PTPN13: variants seen among roughly 807,000 people sequenced by gnomAD.
PTPN13 encodes tyrosine-protein phosphatase non-receptor type 13.
Under a neutral mutation model 284.0 loss-of-function variants are expected in PTPN13, and 191 were observed. The observed-to-expected ratio is 0.67, with a 90% CI of 0.60 to 0.76. The LOEUF (loss-of-function observed/expected upper bound fraction) is 0.76, where lower values mean the gene tolerates loss of function less well. PTPN13 is among the 30% of genes least tolerant of loss of function. The pLI is 0.00. For missense variants in PTPN13, 2,797 were observed against 2,939.9 expected (o/e 0.95, Z 1.12); for synonymous variants, 986 against 1,022.3 (o/e 0.96, Z 0.68).
intron 20 of PTPN13, among the ~76,000 whole-genome samples, chr4:86,757,946 C>T (rs1326290181): frequency 2.0e-5 from 3 of 152,046 alleles, no homozygotes; most frequent in South Asian, 4.1e-4. Flanking sequence ...TTGAAAAGTT[C>T]GGCTCTTTCC....
intron 15 of PTPN13, among the ~76,000 whole-genome samples, chr4:86,736,997 T>A (rs944095948): frequency 1.3e-5 from 2 of 152,230 alleles, no homozygotes; most frequent in Non-Finnish European, 2.9e-5. Context: ...TGAAATATCT[T>A]TCGTAAATCT....
At chr4:86,647,635 G>T (rs1724593269) in intron 2 of PTPN13, among the ~76,000 whole-genome samples, 1 of 152,064 alleles carries the variant, frequency 6.6e-6, no homozygotes, top group South Asian at 2.1e-4. Flanking sequence ...CATTCATGAA[G>T]TCCTAACCCC....
chr4:86,728,253 A>G (rs925202469), intron 10 of PTPN13, among the ~76,000 whole-genome samples: 2 of 149,420 alleles, frequency 1.3e-5, no homozygotes, highest in African/African-American at 4.9e-5. Flanking sequence ...TCAATTTTAG[A>G]ATAAGTGTGA....
intron 7 of PTPN13, among the ~76,000 whole-genome samples, chr4:86,709,276 G>C (rs1732112213): frequency 6.6e-6 from 1 of 152,016 alleles, no homozygotes; most frequent in Non-Finnish European, 1.5e-5. Context: ...CACCTCCCCA[G>C]TTTAGGATGA....
rs151042060 is a variant in PTPN13 at position 86,743,307 on chromosome 4, G to A, written c.2487+1491G>A. On this transcript the variant is annotated intron_variant, in intron 16 of 47. Transcript: ENST00000411767. ...GCATTTTTTGTGTGTGATATTTGCT[G>A]CCTTTGGGTGTTTTATTATAGGTAG... is the stretch of plus-strand genomic sequence containing the variant. Among the ~76,000 whole-genome samples, 499 of 152,214 alleles carry A rather than the reference G, an allele frequency of 3.3e-3. 5 individuals carry two copies. The highest frequency in any genetic ancestry group is 0.012 in the African/African-American group (484 of 41,552).
chr4:86,799,168 C>T lies in PTPN13; in HGVS notation c.6469C>T (p.Pro2157Ser), dbSNP rs754131692. 5 of 1,585,196 alleles carry T rather than the reference C, an allele frequency of 3.2e-6. No individual in the cohort carries two copies. The highest frequency in any genetic ancestry group is 2.3e-5 in the East Asian group (1 of 43,936). ...AATAACATGGGGAAATGATGAGTTGCCAATAGAGAGAACAAACCATGAAGA... is the reference window on the plus strand; with the variant it reads ...AATAACATGGGGAAATGATGAGTTGTCAATAGAGAGAACAAACCATGAAGA... ...DEITWGNDELPIERTNHEDSD... is the reference protein window; with the variant it reads ...DEITWGNDELSIERTNHEDSD... Residue 2157 changes from proline (P) to serine (S), a missense_variant, in exon 42 of 48, where the codon CCA (proline) becomes TCA (serine). Transcript: ENST00000411767.
At chr4:86,691,724 G>A (rs1486857392) in intron 5 of PTPN13, among the ~76,000 whole-genome samples, 31 of 152,086 alleles carry the variant, frequency 2.0e-4, no homozygotes, top group East Asian at 1.9e-4. Context: ...TCACAGATAC[G>A]GTAAATGATG....
chr4:86,635,204 A>G, intron 1 of PTPN13, 48 bp from the exon 2 acceptor site: 3 of 1,548,618 alleles, frequency 1.9e-6, no homozygotes, highest in South Asian at 1.2e-5. Flanking sequence ...TACTGCAAGT[A>G]TAGTTAAGTT....
intron 3 of PTPN13, among the ~76,000 whole-genome samples, chr4:86,674,253 G>A (rs1305727641): frequency 2.0e-5 from 3 of 152,116 alleles, no homozygotes; most frequent in East Asian, 1.9e-4. Context: ...GCACTGTGGG[G>A]TACTCCAGAG....
At chr4:86,797,637 A>C in intron 41 of PTPN13, among the ~76,000 whole-genome samples, 1 of 152,244 alleles carries the variant, frequency 6.6e-6, no homozygotes, top group Non-Finnish European at 1.5e-5. Context: ...CGTGACCCTA[A>C]ATGGAAATGT....
chr4:86,713,175 T>C lies in PTPN13; in HGVS notation c.1196-3355T>C, dbSNP rs541399053. Among the ~76,000 whole-genome samples, 42 of 152,278 alleles carry C rather than the reference T, an allele frequency of 2.8e-4. 1 individual carries two copies. The East Asian group carries it at 7.3e-3, about 27-fold the overall frequency. On this transcript the variant is annotated intron_variant, in intron 7 of 47. Transcript: ENST00000411767. ...TCTCTGTAAGGTATTAAAACCATAC[T>C]GCCTGTTTAGATTTGGTTCTTATCC...
chr4:86,614,840 C>A (rs1578255319), intron 1 of PTPN13, among the ~76,000 whole-genome samples: 1 of 152,026 alleles, frequency 6.6e-6, no homozygotes, highest in South Asian at 2.1e-4. Flanking sequence ...CCTTTGTAAA[C>A]CTCAGACCTA....
chr4:86,770,929 C>G (rs1168850175), intron 30 of PTPN13, among the ~76,000 whole-genome samples: 1 of 152,030 alleles, frequency 6.6e-6, no homozygotes, highest in Non-Finnish European at 1.5e-5. Context: ...TATGGTAGAA[C>G]CCTAATTTTT....
intron 1 of PTPN13, among the ~76,000 whole-genome samples, chr4:86,605,716 A>G (rs971950963): frequency 6.6e-6 from 1 of 151,636 alleles, no homozygotes; most frequent in African/African-American, 2.4e-5. Flanking sequence ...TGGCATATAA[A>G]ATCTAAAAAT....
chr4:86,652,288 C>T (rs1725175832), intron 2 of PTPN13, among the ~76,000 whole-genome samples: 1 of 152,024 alleles, frequency 6.6e-6, no homozygotes, highest in Admixed American at 6.6e-5. Flanking sequence ...CTAAAATATG[C>T]ATGATTTATA....
chr4:86,764,877 A>T lies in PTPN13; in HGVS notation c.4149+153A>T, dbSNP rs1739112477. 1.1e-5 allele frequency: 10 copies of T among 903,832 alleles called. No individual in the cohort carries two copies. The East Asian group carries it at 3.2e-4, about 29-fold the overall frequency. 56.0% of individuals were successfully genotyped at this position (903,832 alleles called of 1,614,324 possible). A position where few individuals can be genotyped will look rare whatever the true frequency, so the allele number is the denominator to read the frequency against. The stretch of plus-strand genomic sequence containing the variant: ...CTGAATCATATCTAAAAACTATTTT[A>T]AAAATTGTGTTAGTCACTTTTTCCT... On this transcript the variant is annotated intron_variant, in intron 25 of 47. Transcript: ENST00000411767.
chr4:86,774,506 T>C lies in PTPN13; in HGVS notation c.5483T>C (p.Leu1828Pro). ...IQDPAKSDGR[L>P]KPGDRLIKVN... ...GATCCAGCCAAAAGTGATGGAAGGC[T>C]AAAACCTGGGGACCGGCTCATAAAG... Residue 1828 changes from leucine (L) to proline (P), a missense_variant, in exon 33 of 48, where the codon CTA becomes CCA. Leu to Pro is a moderately conservative substitution (Grantham distance 98). Coordinates refer to ENST00000411767, the MANE Select transcript of PTPN13 (RefSeq NM_080683.3). 1 of 1,603,002 alleles carries C rather than the reference T, an allele frequency of 6.2e-7. No homozygotes were observed. Among genetic ancestry groups the C allele is most frequent in the Non-Finnish European group, 8.5e-7 (1 of 1,174,606 alleles).
intron 2 of PTPN13, among the ~76,000 whole-genome samples, chr4:86,640,405 C>A (rs189951823): frequency 6.6e-6 from 1 of 152,154 alleles, no homozygotes; most frequent in Non-Finnish European, 1.5e-5. Flanking sequence ...GTTGATGGCA[C>A]TATTCAGTCA....
At chr4:86,676,372 A>G (rs1728275681) in intron 3 of PTPN13, among the ~76,000 whole-genome samples, 1 of 152,260 alleles carries the variant, frequency 6.6e-6, no homozygotes, top group Non-Finnish European at 1.5e-5. Context: ...ACTGTTGGCG[A>G]GGATGCAGAG....
Sources: allele counts gnomAD v4.1 joint callset (sites outside exome capture counted in the v4.1 genomes callset), GRCh38; gene constraint gnomAD v4.1.1; transcripts MANE v1.5; gene names NCBI Gene and HGNC (gene_info 2026-07-23, HGNC 2026-07-21).